CYYR1: variants seen among roughly 807,000 people sequenced by gnomAD.
The protein encoded by CYYR1 is cysteine and tyrosine rich 1, also known as cysteine and tyrosine-rich protein 1.
Under a neutral mutation model 15.2 loss-of-function variants are expected in CYYR1, and 14 were observed. That is an observed-to-expected ratio of 0.92 (90% CI 0.61 to 1.44). CYYR1 has a LOEUF of 1.44. Ranked by LOEUF, CYYR1 falls within the 40% of genes most tolerant of loss-of-function variation. The probability of loss-of-function intolerance (pLI) is 0.00; values close to 1 mark genes in which losing one functional copy is unlikely to be tolerated. For synonymous variants in CYYR1, 80 were observed against 77.4 expected, an observed-to-expected ratio of 1.03 and a Z score of -0.18; for missense variants, 228 against 209.5, an observed-to-expected ratio of 1.09 and a Z score of -0.54.
At chr21:26,472,467 CA>C (rs2065047940) in intron 3 of CYYR1, among the ~76,000 whole-genome samples, 1 of 151,992 alleles carries the variant, frequency 6.6e-6, no homozygotes, top group Non-Finnish European at 1.5e-5. Context: ...TATACAAGTA[CA>C]TTATCATTTA....
At chr21:26,480,577 A>AAAACCCAT in intron 2 of CYYR1, 148 bp from the exon 3 acceptor site, 1 of 540,348 alleles carries the variant, frequency 1.9e-6, no homozygotes, top group Non-Finnish European at 2.9e-6. Context: ...TTTTTTTTTT[A>AAAACCCAT]AAACCCATAA....
chr21:26,490,998 G>A (rs1455685379), intron 2 of CYYR1, among the ~76,000 whole-genome samples: 1 of 152,184 alleles, frequency 6.6e-6, no homozygotes. Flanking sequence ...GGGGGAGTGA[G>A]TGAAAGGCAA....
intron 2 of CYYR1, among the ~76,000 whole-genome samples, chr21:26,537,173 C>T (rs1402381735): frequency 6.6e-6 from 1 of 152,086 alleles, no homozygotes; most frequent in Non-Finnish European, 1.5e-5. Context: ...AGATAGAAAG[C>T]ATGGCATATG....
intron 2 of CYYR1, chr21:26,506,611 T>C (rs2065568478): frequency 6.6e-6 from 1 of 152,186 alleles, no homozygotes; most frequent in African/African-American, 2.4e-5. Context: ...AACTCAGTGT[T>C]TTTGGTATGA....
At chr21:26,562,971 C>T (rs1248252311) in intron 2 of CYYR1, among the ~76,000 whole-genome samples, 2 of 152,092 alleles carry the variant, frequency 1.3e-5, no homozygotes, top group Non-Finnish European at 2.9e-5. Flanking sequence ...CTTTGGATCC[C>T]AGGACCTAGG....
At chr21:26,477,750 A>G (rs770566074) in intron 3 of CYYR1, 160 of 985,042 alleles carry the variant, frequency 1.6e-4, no homozygotes, top group Non-Finnish European at 1.9e-4. Context: ...CTTCTCTACA[A>G]TTAATGTCTT....
chr21:26,561,775 G>A (rs1177284775), intron 2 of CYYR1, among the ~76,000 whole-genome samples: 2 of 152,124 alleles, frequency 1.3e-5, no homozygotes, highest in Non-Finnish European at 2.9e-5. Flanking sequence ...AGCTCACTAT[G>A]TCCAAACTAG....
intron 3 of CYYR1, chr21:26,471,087 G>A (rs1237485969): frequency 6.6e-6 from 1 of 152,172 alleles, no homozygotes; most frequent in East Asian, 1.9e-4. Flanking sequence ...GTCCTGTGGA[G>A]TCTAAATACA....
intron 1 of CYYR1, among the ~76,000 whole-genome samples, chr21:26,567,519 C>A (rs1207680020): frequency 6.6e-6 from 1 of 151,994 alleles, no homozygotes; most frequent in Non-Finnish European, 1.5e-5. Flanking sequence ...GTTTAACAAG[C>A]AAAGGTTGTC....
chr21:26,475,114 A>G (rs1443492001), intron 3 of CYYR1, among the ~76,000 whole-genome samples: 1 of 152,222 alleles, frequency 6.6e-6, no homozygotes, highest in East Asian at 1.9e-4. Flanking sequence ...GACCATTTTC[A>G]TAAGTGTTGT....
intron 2 of CYYR1, among the ~76,000 whole-genome samples, chr21:26,495,421 C>T (rs186877050): frequency 1.3e-4 from 20 of 152,312 alleles, no homozygotes; most frequent in African/African-American, 4.6e-4. Context: ...TAACTTTTCC[C>T]AACAGACTTA....
chr21:26,536,100 G>A (rs1437410677), intron 2 of CYYR1, among the ~76,000 whole-genome samples: 2 of 152,136 alleles, frequency 1.3e-5, no homozygotes, highest in African/African-American at 2.4e-5. Flanking sequence ...GGCGGCAGGA[G>A]AGAGAGAGTG....
At chr21:26,568,861 TCAA>T (rs1980825483) in intron 1 of CYYR1, 1 of 152,066 alleles carries the variant, frequency 6.6e-6, no homozygotes, top group Admixed American at 6.6e-5. Context: ...AAAAAAATGT[TCAA>T]CAAGTCACCA....
chr21:26,515,018 C>G (rs1461645774), intron 2 of CYYR1, among the ~76,000 whole-genome samples: 16 of 152,214 alleles, frequency 1.1e-4, no homozygotes, highest in Non-Finnish European at 2.4e-4. Flanking sequence ...CATGATAGTA[C>G]TATCTTTTCT....
intron 2 of CYYR1, chr21:26,482,519 T>C (rs2065195481): frequency 1.0e-6 from 1 of 985,206 alleles, no homozygotes; most frequent in Non-Finnish European, 1.2e-6. Context: ...ATTTAGTTTC[T>C]GGACCCAATT....
intron 2 of CYYR1, among the ~76,000 whole-genome samples, chr21:26,522,332 A>G (rs1312569393): frequency 6.6e-6 from 1 of 152,186 alleles, no homozygotes; most frequent in Non-Finnish European, 1.5e-5. Context: ...ATGATCCAGT[A>G]GCTTTTATCA....
chr21:26,495,407 T>A (rs368422094), intron 2 of CYYR1, among the ~76,000 whole-genome samples: 81 of 152,308 alleles, frequency 5.3e-4, no homozygotes, highest in African/African-American at 1.9e-3. Context: ...AAGGGCCATG[T>A]GACTAACTTT....
intron 3 of CYYR1, chr21:26,478,112 T>C: frequency 6.5e-7 from 1 of 1,549,590 alleles, no homozygotes; most frequent in South Asian, 1.2e-5. Context: ...TAGACCAAGA[T>C]CTCTGCCTCA....
intron 2 of CYYR1, among the ~76,000 whole-genome samples, chr21:26,548,372 G>A (rs1226692308): frequency 6.6e-6 from 1 of 152,212 alleles, no homozygotes; most frequent in Non-Finnish European, 1.5e-5. Context: ...TTAAGAGACA[G>A]GGTTGTGCTC....
Sources: gnomAD v4.1 joint callset for allele counts (sites outside exome capture counted in the v4.1 genomes callset) on GRCh38, gnomAD v4.1.1 for gene constraint, MANE v1.5 for transcripts, NCBI Gene and HGNC (gene_info 2026-07-23, HGNC 2026-07-21) for gene names.